GATA4: variants seen among roughly 807,000 people sequenced by gnomAD.
The protein encoded by GATA4 is transcription factor GATA-4.
A neutral mutation model predicts 37.9 loss-of-function variants in GATA4; 7 were observed. That is an observed-to-expected ratio of 0.18 (90% confidence interval 0.11 to 0.35). The LOEUF (loss-of-function observed/expected upper bound fraction) is 0.35, where lower values mean the gene tolerates loss of function less well. Among genes scored for constraint, GATA4 ranks in the 10% least tolerant of loss-of-function variants. The pLI, the probability that GATA4 is intolerant of heterozygous loss-of-function variation, is 1.00. For missense variants in GATA4, 647 were observed against 653.0 expected (o/e 0.99, Z 0.10); for synonymous variants, 372 against 292.6 (o/e 1.27, Z -2.77).
intron 2 of GATA4, among the ~76,000 whole-genome samples, chr8:11,728,337 G>A (rs1007931847): frequency 1.3e-5 from 2 of 152,146 alleles, no homozygotes; most frequent in African/African-American, 4.8e-5. Flanking sequence ...TATCATTAAA[G>A]GAAATATTGA....
chr8:11,722,502 G>T (rs78117915), intron 2 of GATA4, among the ~76,000 whole-genome samples: 1 of 152,122 alleles, frequency 6.6e-6, no homozygotes, highest in Non-Finnish European at 1.5e-5. Context: ...TTCCAATCAG[G>T]ATCTAAATGA....
chr8:11,749,229 C>G lies in GATA4; in HGVS notation c.786+144C>G, dbSNP rs1170004978. On this transcript the variant is annotated intron_variant, in intron 3 of 6. Transcript: ENST00000532059. This position sits in a 1 kb window ranked among gnomAD's most constrained non-coding sequence, Gnocchi z 4.6. ...GAGAGCCCCATAATAATTCTCACAA[C>G]TTTAGAGTTAGCTGGAGCCACCAGA... is the stretch of plus-strand genomic sequence containing the variant. The G allele has an allele frequency of 7.4e-6, 6 of 814,894 alleles. No homozygotes were observed. Among genetic ancestry groups the G allele is most frequent in the Non-Finnish European group, 1.2e-5 (6 of 502,636 alleles). 50.5% of individuals were successfully genotyped at this position (814,894 alleles called of 1,614,324 possible).
At chr8:11,741,959 TA>T (rs925038437) in intron 2 of GATA4, among the ~76,000 whole-genome samples, 1 of 152,144 alleles carries the variant, frequency 6.6e-6, no homozygotes, top group Non-Finnish European at 1.5e-5. Context: ...GGCCTGCGGT[TA>T]AGAGACTGAC....
intron 2 of GATA4, among the ~76,000 whole-genome samples, chr8:11,743,884 T>C (rs1801890369): frequency 1.3e-5 from 2 of 152,234 alleles, no homozygotes; most frequent in Non-Finnish European, 2.9e-5. Flanking sequence ...TGTTTCCTCT[T>C]TAAAAAAAAC....
chr8:11,711,980 G>T (rs992113125), intron 2 of GATA4, among the ~76,000 whole-genome samples: 4 of 152,114 alleles, frequency 2.6e-5, no homozygotes, highest in African/African-American at 9.7e-5. Context: ...GGGTTTTAAA[G>T]TTGGGCAAAC....
chr8:11,681,520 C>T, intron 1 of GATA4: 3 of 932,254 alleles, frequency 3.2e-6, no homozygotes, highest in Non-Finnish European at 3.8e-6. Context: ...TGGGGTCGGT[C>T]CCTCTCGGGA....
At chr8:11,692,680 G>A in intron 1 of GATA4, 2 of 985,218 alleles carry the variant, frequency 2.0e-6, no homozygotes, top group Non-Finnish European at 2.4e-6. Flanking sequence ...GGGGTGCGGG[G>A]GTGAGGGGTG....
intron 2 of GATA4, among the ~76,000 whole-genome samples, chr8:11,710,541 A>G (rs1800132232): frequency 6.8e-6 from 1 of 148,130 alleles, no homozygotes; most frequent in Admixed American, 6.7e-5. Flanking sequence ...AAAAAAAAAA[A>G]TTAGCGGTCG....
rs773444142 is a variant in GATA4 at position 11,710,524 on chromosome 8, C to CAA, written c.616+1612_616+1613dup. On this transcript the variant is annotated intron_variant, in intron 2 of 6. Coordinates refer to ENST00000532059, the MANE Select transcript of GATA4 (RefSeq NM_001308093.3). ...TTGAAACCCCGCCTCTACTAAAATACAAAAAAAAAAAAAAAAATTAGCGGT... is the reference window on the plus strand; with the variant it reads ...TTGAAACCCCGCCTCTACTAAAATACAAAAAAAAAAAAAAAAAAATTAGCGGT... Among the ~76,000 whole-genome samples, 1,021 of 115,192 alleles carry CAA rather than the reference C, an allele frequency of 8.9e-3. 6 individuals carry two copies. The highest frequency in any genetic ancestry group is 0.029 in the African/African-American group (897 of 31,398). The allele number at this position is 115,192 out of a possible 152,430, so 75.6% of individuals were successfully genotyped here.
chr8:11,756,454 C>G (rs1010007355), intron 5 of GATA4: 3 of 233,052 alleles, frequency 1.3e-5, no homozygotes, highest in African/African-American at 6.8e-5. Flanking sequence ...CGCACGATTC[C>G]CAGTCCAAAA....
At chr8:11,680,071 G>A (rs1311146921) in intron 1 of GATA4, among the ~76,000 whole-genome samples, 1 of 152,202 alleles carries the variant, frequency 6.6e-6, no homozygotes, top group Non-Finnish European at 1.5e-5. Flanking sequence ...GTTGCTAAAG[G>A]ACTTCCCGCC....
upstream of GATA4, among the ~76,000 whole-genome samples, chr8:11,687,789 A>T (rs1466282622): frequency 6.6e-6 from 1 of 152,124 alleles, no homozygotes; most frequent in Non-Finnish European, 1.5e-5. Context: ...GACAGGTTTT[A>T]TTGGGATCCC....
chr8:11,730,463 T>A (rs534914899), intron 2 of GATA4, among the ~76,000 whole-genome samples: 1 of 152,224 alleles, frequency 6.6e-6, no homozygotes, highest in Non-Finnish European at 1.5e-5. Context: ...AAAATCGGAA[T>A]AGAATGTGAA....
chr8:11,693,563 A>G (rs1300432657), intron 1 of GATA4, among the ~76,000 whole-genome samples: 1 of 54,538 alleles, frequency 1.8e-5, no homozygotes, highest in Non-Finnish European at 3.6e-5. Flanking sequence ...ACACACACAC[A>G]GAGAGAGAGA....
At chr8:11,692,404 G>A (rs572578861), upstream of GATA4, 432 of 674,926 alleles carry the variant, frequency 6.4e-4, 1 homozygote, top group African/African-American at 8.1e-3. Context: ...GTGTATTTAC[G>A]TTGATTTCTC....
intron 4 of GATA4, among the ~76,000 whole-genome samples, chr8:11,753,052 T>C (rs534844396): frequency 6.6e-6 from 1 of 152,350 alleles, no homozygotes; most frequent in Admixed American, 6.5e-5. Context: ...GTACCATTTC[T>C]GGATATATAC....
intron 2 of GATA4, among the ~76,000 whole-genome samples, chr8:11,725,609 G>C (rs766058600): frequency 6.6e-6 from 1 of 152,260 alleles, no homozygotes; most frequent in South Asian, 2.1e-4. Context: ...CTTGGTCTTA[G>C]TGGGGATGGC....
intron 1 of GATA4, chr8:11,680,400 C>A: frequency 1.2e-6 from 1 of 863,292 alleles, no homozygotes; most frequent in Non-Finnish European, 1.4e-6. Context: ...GCCACTTTCC[C>A]GCCCTCGGCC....
intron 1 of GATA4, among the ~76,000 whole-genome samples, chr8:11,706,804 A>G (rs1460861299): frequency 6.6e-6 from 1 of 152,162 alleles, no homozygotes; most frequent in Middle Eastern, 3.2e-3. Context: ...ACAAGTTTCA[A>G]AACTTTCCAG....
Sources: allele counts gnomAD v4.1 joint callset (sites outside exome capture counted in the v4.1 genomes callset), GRCh38; gene constraint gnomAD v4.1.1; non-coding constraint Gnocchi (gnomAD v3.1); transcripts MANE v1.5; gene names NCBI Gene and HGNC (gene_info 2026-07-23, HGNC 2026-07-21).